SYTL2: variants seen among roughly 807,000 people sequenced by gnomAD.
SYTL2 encodes synaptotagmin like 2, also known as synaptotagmin-like protein 2.
Under a neutral mutation model 198.7 loss-of-function variants are expected in SYTL2, and 165 were observed. That is an observed-to-expected ratio of 0.83 (90% confidence interval 0.73 to 0.94). The LOEUF (loss-of-function observed/expected upper bound fraction) is 0.94. SYTL2 is among the 40% of genes least tolerant of loss of function. The pLI, the probability that SYTL2 is intolerant of heterozygous loss-of-function variation, is 0.00. For synonymous variants in SYTL2, 966 were observed against 917.7 expected (o/e 1.05, Z -0.95); for missense variants, 2,835 against 2,582.8 (o/e 1.10, Z -2.12).
intron 5 of SYTL2, 76 bp from the exon 6 acceptor site, chr11:85,736,691 C>A: frequency 1.3e-6 from 1 of 768,100 alleles, no homozygotes; most frequent in Non-Finnish European, 2.2e-6. Context: ...TGCCTATTAT[C>A]TTCAATTTTG....
intron 4 of SYTL2, among the ~76,000 whole-genome samples, chr11:85,741,451 T>C (rs536185946): frequency 6.6e-6 from 1 of 152,344 alleles, no homozygotes; most frequent in Non-Finnish European, 1.5e-5. Flanking sequence ...GGCATTTTTA[T>C]GTCACAGTGA....
intron 11 of SYTL2, 111 bp downstream of exon 11, chr11:85,717,372 A>G: frequency 1.2e-6 from 1 of 845,566 alleles, no homozygotes; most frequent in Non-Finnish European, 2.0e-6. Flanking sequence ...AAGCTGCAGG[A>G]GTTTAGTGCC....
At chr11:85,798,047 T>A (rs1188208486) in intron 1 of SYTL2, among the ~76,000 whole-genome samples, 1 of 150,552 alleles carries the variant, frequency 6.6e-6, no homozygotes, top group Non-Finnish European at 1.5e-5. Flanking sequence ...TCAATAGAGA[T>A]GGGGTTTCAC....
At chr11:85,817,905 T>C in the SYTL2 span, among the ~76,000 whole-genome samples, 1 of 147,182 alleles carries the variant, frequency 6.8e-6, no homozygotes, top group Non-Finnish European at 1.5e-5. Flanking sequence ...GTCTTTTCTT[T>C]TTTTTTTTTT....
intron 1 of SYTL2, among the ~76,000 whole-genome samples, chr11:85,761,468 G>A (rs2092094441): frequency 6.6e-6 from 1 of 152,210 alleles, no homozygotes; most frequent in Admixed American, 6.5e-5. Context: ...AGAGCAGGAG[G>A]AGAGGAGGCC....
In SYTL2 at chr11:85,727,722, C is replaced by G; in HGVS notation, c.1636G>C (p.Glu546Gln). The change falls in exon 8 of 20, where the codon GAG becomes CAG. Residue 546 changes from glutamate (E) to glutamine (Q), a missense_variant. Coordinates refer to ENST00000359152, the MANE Select transcript of SYTL2 (RefSeq NM_206927.4). ...KSFLQHPRGIESKEKTDSKSQ... is the reference protein window; with the variant it reads ...KSFLQHPRGIQSKEKTDSKSQ... Reference sequence around the variant, plus strand: ...TTTGAGTCTGTTTTTTCTTTGGACTCTATTCCTCGGGGATGTTGGAGGAAT... The same window carrying G: ...TTTGAGTCTGTTTTTTCTTTGGACTGTATTCCTCGGGGATGTTGGAGGAAT... 1 of 1,549,468 alleles carries G rather than the reference C, an allele frequency of 6.5e-7. No homozygotes were observed. Among genetic ancestry groups the G allele is most frequent in the Non-Finnish European group, 8.7e-7 (1 of 1,147,178 alleles).
At chr11:85,757,587 T>C in intron 2 of SYTL2, 38 bp downstream of exon 2, 8 of 1,608,234 alleles carry the variant, frequency 5.0e-6, no homozygotes, top group Non-Finnish European at 6.8e-6. Flanking sequence ...AGACTGCCTC[T>C]TCCTTCCCTC....
chr11:85,718,558 C>A, intron 10 of SYTL2: 2 of 516,408 alleles, frequency 3.9e-6, no homozygotes, highest in African/African-American at 1.9e-5. Flanking sequence ...ACCCTTGCTT[C>A]ACAAGGGTCT....
chr11:85,737,428 T>A, intron 5 of SYTL2, 147 bp downstream of exon 5: 1 of 639,350 alleles, frequency 1.6e-6, no homozygotes, highest in South Asian at 2.0e-5. Flanking sequence ...CTTAAACTAG[T>A]GACTTCTTAA....
In SYTL2 at chr11:85,726,281, A is replaced by G; in HGVS notation, c.3077T>C (p.Ile1026Thr). ...NRQKHKEFSD[I>T]KLSGKNTHEA... ...ATGGGTATTTTTACCTGATAATTTA[A>G]TGTCGCTGAATTCCTTGTGTTTCTG... Residue 1026 changes from isoleucine (I) to threonine (T), a missense_variant, in exon 8 of 20, where the codon ATT (isoleucine) becomes ACT (threonine). Physicochemically the swap from Ile to Thr is moderately conservative, Grantham distance 89. This residue lies in a region of SYTL2 where 2,645 missense variants were observed against 2,381.7 expected (regional missense o/e 1.11). Transcript: ENST00000359152. 2 of 1,613,916 alleles carry G rather than the reference A, an allele frequency of 1.2e-6. No individual in the cohort carries two copies. Among genetic ancestry groups the G allele is most frequent in the Non-Finnish European group, 1.7e-6 (2 of 1,179,976 alleles).
At chr11:85,717,875 G>C in intron 10 of SYTL2, 1 of 324,090 alleles carries the variant, frequency 3.1e-6, no homozygotes, top group Non-Finnish European at 6.0e-6. Context: ...TAGGATCTTA[G>C]AAAAGTCACC....
At chr11:85,853,042 TGA>T in the SYTL2 span, 1 of 302,154 alleles carries the variant, frequency 3.3e-6, no homozygotes, top group Non-Finnish European at 6.4e-6. Context: ...GTCTGGGAAG[TGA>T]GGAGCGCCTC....
chr11:85,827,210 G>A, the SYTL2 span, among the ~76,000 whole-genome samples: 939 of 152,306 alleles, frequency 6.2e-3, 11 homozygotes, highest in African/African-American at 0.021. Context: ...TGAGGCAGAA[G>A]TTGGATCCCA....
At chr11:85,728,646 T>C (rs1474283808) in intron 7 of SYTL2, among the ~76,000 whole-genome samples, 2 of 152,120 alleles carry the variant, frequency 1.3e-5, no homozygotes, top group Non-Finnish European at 2.9e-5. Context: ...AAACTGACAC[T>C]CCAGGAAGAT....
At position 85,726,896 on chromosome 11, in the gene SYTL2, T is replaced by C; in HGVS notation, c.2462A>G (p.Gln821Arg). Reference protein sequence around the residue: ...EKPTSSCSQEQPSAKAYQPVK... With the variant: ...EKPTSSCSQERPSAKAYQPVK... ...AGGCTGATATGCTTTAGCAGAAGGT[T>C]GTTCCTGGCTACATGAAGATGTGGG... The change falls in exon 8 of 20, where the codon CAA (glutamine) becomes CGA (arginine). Residue 821 changes from glutamine (Q) to arginine (R), a missense_variant. Physicochemically the swap from Gln to Arg is conservative, Grantham distance 43. Around this residue, in one of 3 missense-constraint regions of SYTL2, gnomAD observed 2,645 missense variants for 2,381.7 expected, o/e 1.11. Coordinates refer to ENST00000359152, the MANE Select transcript of SYTL2 (RefSeq NM_206927.4). 1 of 1,536,664 alleles carries C rather than the reference T, an allele frequency of 6.5e-7. No individual in the cohort carries two copies. The highest frequency in any genetic ancestry group is 1.7e-4 in the Middle Eastern group (1 of 5,996).
At chr11:85,813,539 T>C (rs2093057701), upstream of SYTL2, among the ~76,000 whole-genome samples, 1 of 152,192 alleles carries the variant, frequency 6.6e-6, no homozygotes, top group Non-Finnish European at 1.5e-5. Context: ...TAGGTTGACA[T>C]TGAAGGGGAA....
At chr11:85,808,198 C>G (rs186312022) in intron 1 of SYTL2, among the ~76,000 whole-genome samples, 5 of 152,184 alleles carry the variant, frequency 3.3e-5, no homozygotes, top group African/African-American at 9.6e-5. Context: ...TCCTGAGCAG[C>G]TGGGACTACA....
At chr11:85,769,898 A>G (rs1302684668) in intron 1 of SYTL2, among the ~76,000 whole-genome samples, 2 of 152,184 alleles carry the variant, frequency 1.3e-5, no homozygotes, top group African/African-American at 4.8e-5. Context: ...TTGCAAAAAC[A>G]CGCAGTTTAT....
the SYTL2 span, among the ~76,000 whole-genome samples, chr11:85,829,515 A>G: frequency 6.6e-6 from 1 of 152,192 alleles, no homozygotes; most frequent in Non-Finnish European, 1.5e-5. Context: ...ATGAGCATAC[A>G]AGTTCACATG....
Sources: gnomAD v4.1 joint callset for allele counts (sites outside exome capture counted in the v4.1 genomes callset) on GRCh38, gnomAD v4.1.1 for gene constraint, gnomAD v4.1.1 regional missense constraint, MANE v1.5 for transcripts, NCBI Gene and HGNC (gene_info 2026-07-23, HGNC 2026-07-21) for gene names.